The following MLIP variants were observed in gnomAD, a reference collection of about 807,000 sequenced individuals.
MLIP encodes the protein muscular LMNA interacting protein, also known as muscular LMNA-interacting protein.
MLIP carries 79 observed loss-of-function variants against 84.8 expected under a neutral mutation model. That is an observed-to-expected ratio of 0.93 (90% CI 0.78 to 1.12). The LOEUF (loss-of-function observed/expected upper bound fraction) is 1.12, where lower values mean the gene tolerates loss of function less well. Ranked by LOEUF, MLIP falls within the 50% of genes most tolerant of loss-of-function variation. The pLI is 0.00. For synonymous variants in MLIP, 504 were observed against 463.0 expected, an observed-to-expected ratio of 1.09 and a Z score of -1.14; for missense variants, 1,257 against 1,160.6, an observed-to-expected ratio of 1.08 and a Z score of -1.21.
chr6:54,221,220 T>C (rs1461036758), intron 11 of MLIP, among the ~76,000 whole-genome samples: 1 of 152,064 alleles, frequency 6.6e-6, no homozygotes, highest in Non-Finnish European at 1.5e-5. Flanking sequence ...CTAAACCAAC[T>C]CATACCCCAA....
At chr6:54,217,333 A>G (rs1236038364) in intron 11 of MLIP, 1 of 985,276 alleles carries the variant, frequency 1.0e-6, no homozygotes, top group Non-Finnish European at 1.2e-6. Context: ...GAAGAGCTCA[A>G]AATGCCGTAA....
chr6:54,204,427 T>C (rs543404648), intron 11 of MLIP, among the ~76,000 whole-genome samples: 94 of 152,320 alleles, frequency 6.2e-4, no homozygotes, highest in East Asian at 3.7e-3. Context: ...TTATAAAATG[T>C]TTATAAAAAT....
rs1771932407 is a variant in MLIP at position 54,137,642 on chromosome 6, A to G, written c.1573A>G (p.Arg525Gly). Residue 525 changes from arginine (R) to glycine (G), a missense_variant, in exon 4 of 14, where the codon AGA (arginine) becomes GGA (glycine). By Grantham distance (125) the Arg-to-Gly change is moderately radical. Coordinates refer to ENST00000502396, the MANE Select transcript of MLIP (RefSeq NM_001281747.2). ...SSSLASMNVERTPSPTLKSNT... is the reference protein window; with the variant it reads ...SSSLASMNVEGTPSPTLKSNT... ...CAGCCTTGCTTCCATGAATGTAGAGAGAACACCATCACCTACTTTGAAGAG... is the reference window on the plus strand; with the variant it reads ...CAGCCTTGCTTCCATGAATGTAGAGGGAACACCATCACCTACTTTGAAGAG... The G allele has an allele frequency of 3.3e-6, 5 of 1,536,064 alleles. No individual in the cohort carries two copies. In the South Asian group the frequency reaches 3.6e-5, roughly 11 times the overall value.
chr6:54,133,065 G>A (rs1771517018), intron 3 of MLIP, among the ~76,000 whole-genome samples: 1 of 152,110 alleles, frequency 6.6e-6, no homozygotes, highest in African/African-American at 2.4e-5. Context: ...TGGCAAGAAG[G>A]TTGAGATTGA....
Position 54,213,734 on chromosome 6 carries a change from A to AAAAAAAACAAAAAAC in MLIP, c.2718+11503_2718+11504insAAAAACAAAAAACAA, listed in dbSNP as rs368508685. ...AAAAAAAAAAAAAAAAAAAAAAAAA[A>AAAAAAAACAAAAAAC]AACAACAAACAGCATATCTTGTATG... On this transcript the variant is annotated intron_variant, in intron 11 of 13. Transcript: ENST00000502396. 2.4e-3 allele frequency among the ~76,000 whole-genome samples: 195 copies of AAAAAAAACAAAAAAC among 82,352 alleles called. 27 individuals are homozygous for AAAAAAAACAAAAAAC. The highest frequency in any genetic ancestry group is 3.7e-3 in the Non-Finnish European group (155 of 42,142). The allele number at this position is 82,352 out of a possible 152,430, so 54.0% of individuals were successfully genotyped here. A position where few individuals can be genotyped will look rare whatever the true frequency, so the allele number is the denominator to read the frequency against.
chr6:54,099,949 A>G (rs1768519349), intron 1 of MLIP, among the ~76,000 whole-genome samples: 1 of 152,216 alleles, frequency 6.6e-6, no homozygotes, highest in South Asian at 2.1e-4. Flanking sequence ...TGCTGATTTA[A>G]AAGAAAAGTG....
chr6:54,060,985 C>CTTTT (rs78569538), intron 1 of MLIP, among the ~76,000 whole-genome samples: 1 of 128,066 alleles, frequency 7.8e-6, no homozygotes, highest in Non-Finnish European at 1.7e-5. Context: ...TTTACTGTTT[C>CTTTT]TTTTTTTTTT....
intron 1 of MLIP, among the ~76,000 whole-genome samples, chr6:54,049,733 T>C (rs1765269651): frequency 6.6e-6 from 1 of 152,168 alleles, no homozygotes; most frequent in Non-Finnish European, 1.5e-5. Context: ...AATATATAAA[T>C]TGAGCTCTTC....
At chr6:54,026,089 A>G (rs1763786221) in intron 1 of MLIP, among the ~76,000 whole-genome samples, 1 of 152,214 alleles carries the variant, frequency 6.6e-6, no homozygotes, top group African/African-American at 2.4e-5. Context: ...GGGAATTCGG[A>G]ACCAGGATTC....
chr6:54,152,779 A>C (rs1582297994), intron 5 of MLIP, among the ~76,000 whole-genome samples: 1 of 152,312 alleles, frequency 6.6e-6, no homozygotes, highest in African/African-American at 2.4e-5. Flanking sequence ...GTCTGATAGC[A>C]ATAGGTAAAA....
chr6:54,096,128 A>C (rs1272822196), intron 1 of MLIP, among the ~76,000 whole-genome samples: 1 of 152,180 alleles, frequency 6.6e-6, no homozygotes, highest in Non-Finnish European at 1.5e-5. Context: ...GAACTTTTTA[A>C]ATTTTTTGGT....
intron 11 of MLIP, among the ~76,000 whole-genome samples, chr6:54,224,985 C>T (rs545242415): frequency 2.0e-5 from 3 of 152,254 alleles, no homozygotes; most frequent in Admixed American, 6.5e-5. Context: ...TTTATCCAGT[C>T]ATTGATTGAT....
At chr6:54,141,357 A>G (rs1482747365) in intron 4 of MLIP, among the ~76,000 whole-genome samples, 2 of 133,460 alleles carry the variant, frequency 1.5e-5, no homozygotes, top group Non-Finnish European at 3.0e-5. Flanking sequence ...CCCAGGCTGC[A>G]GTGTAGTGGT....
rs559774339 is a variant in MLIP, at chr6:54,065,722, C to T, written c.63+46631C>T. 4.0e-5 allele frequency among the ~76,000 whole-genome samples: 4 copies of T among 99,564 alleles called. 2 individuals carry two copies. In the South Asian group the frequency reaches 1.4e-3, roughly 35 times the overall value. The allele number at this position is 99,564 out of a possible 152,430, so 65.3% of individuals were successfully genotyped here. ...TCCAGCTATTTTTCCCATGGGTTAC[C>T]CAGTTCCTCTCTGGAGCATCACCCT... On this transcript the variant is annotated intron_variant, in intron 1 of 12. Coordinates refer to the MLIP transcript ENST00000274897.
At chr6:54,098,485 A>G (rs1251659946) in intron 1 of MLIP, among the ~76,000 whole-genome samples, 1 of 151,624 alleles carries the variant, frequency 6.6e-6, no homozygotes, top group Non-Finnish European at 1.5e-5. Flanking sequence ...CTCTTGAAGG[A>G]GGAGGGGAAG....
At chr6:54,159,845 G>C (rs4301306) in intron 5 of MLIP, among the ~76,000 whole-genome samples, 1 of 151,840 alleles carries the variant, frequency 6.6e-6, no homozygotes, top group Non-Finnish European at 1.5e-5. Flanking sequence ...CATCATTAGA[G>C]AGACAGAGAG....
intron 11 of MLIP, among the ~76,000 whole-genome samples, chr6:54,210,099 C>A (rs1393338248): frequency 6.6e-6 from 1 of 152,270 alleles, no homozygotes; most frequent in Admixed American, 6.5e-5. Context: ...TTGTGACTGG[C>A]CTCAGGAATT....
intron 5 of MLIP, among the ~76,000 whole-genome samples, chr6:54,150,647 C>A (rs1773346732): frequency 6.6e-6 from 1 of 152,142 alleles, no homozygotes; most frequent in African/African-American, 2.4e-5. Flanking sequence ...TCTTCTGGAA[C>A]TATGTTCTGC....
intron 10 of MLIP, among the ~76,000 whole-genome samples, chr6:54,194,468 G>C (rs1778158471): frequency 6.6e-6 from 1 of 152,056 alleles, no homozygotes; most frequent in African/African-American, 2.4e-5. Context: ...TTCATGAAAT[G>C]GTTCTTGAGC....
Sources: allele counts gnomAD v4.1 joint callset (sites outside exome capture counted in the v4.1 genomes callset), GRCh38; gene constraint gnomAD v4.1.1; transcripts MANE v1.5; gene names NCBI Gene and HGNC (gene_info 2026-07-23, HGNC 2026-07-21).